Variants in GRM7 observed in about 807,000 individuals in gnomAD.
GRM7 encodes metabotropic glutamate receptor 7.
GRM7 carries 35 observed loss-of-function variants against 84.5 expected under a neutral mutation model. That is an observed-to-expected ratio of 0.41 (90% CI 0.32 to 0.55). GRM7 has a LOEUF of 0.55. Among genes scored for constraint, GRM7 ranks in the 20% least tolerant of loss-of-function variants. The probability of loss-of-function intolerance (pLI) is 0.19; values close to 1 mark genes in which losing one functional copy is unlikely to be tolerated. For missense variants in GRM7, 1,003 were observed against 1,194.6 expected, an observed-to-expected ratio of 0.84 and a Z score of 2.36; for synonymous variants, 487 against 455.1, an observed-to-expected ratio of 1.07 and a Z score of -0.89.
chr3:7,261,538 T>A (rs924227727), intron 2 of GRM7, among the ~76,000 whole-genome samples: 10 of 152,176 alleles, frequency 6.6e-5, no homozygotes, highest in Non-Finnish European at 1.3e-4. Flanking sequence ...GAGTTTTGCT[T>A]CCTTATTCAG....
chr3:7,537,338 G>A (rs572204653), intron 7 of GRM7, among the ~76,000 whole-genome samples: 5 of 152,094 alleles, frequency 3.3e-5, no homozygotes, highest in Admixed American at 6.5e-5. Context: ...CTCAGCTCAG[G>A]CTAACCCAAA....
intron 9 of GRM7, among the ~76,000 whole-genome samples, chr3:7,721,786 G>A (rs1047136885): frequency 6.6e-6 from 1 of 152,118 alleles, no homozygotes; most frequent in African/African-American, 2.4e-5. Context: ...AGACTAGCGG[G>A]GCCATTGATT....
chr3:7,037,609 G>A (rs999998000), intron 1 of GRM7, among the ~76,000 whole-genome samples: 4 of 152,150 alleles, frequency 2.6e-5, no homozygotes, highest in African/African-American at 7.2e-5. Context: ...CACACCTCTT[G>A]AGGAACTGCA....
intron 2 of GRM7, among the ~76,000 whole-genome samples, chr3:7,221,177 A>G (rs544748196): frequency 8.1e-4 from 123 of 152,276 alleles, no homozygotes; most frequent in African/African-American, 2.6e-3. Flanking sequence ...ATCACCCTCC[A>G]TTGAGGTTAT....
chr3:6,977,931 A>G (rs1694061010), intron 1 of GRM7, among the ~76,000 whole-genome samples: 1 of 152,196 alleles, frequency 6.6e-6, no homozygotes, highest in South Asian at 2.1e-4. Flanking sequence ...CCCTATGTTA[A>G]TAACTTTATT....
intron 7 of GRM7, among the ~76,000 whole-genome samples, chr3:7,575,334 T>A (rs1274804839): frequency 6.6e-6 from 1 of 152,168 alleles, no homozygotes; most frequent in Non-Finnish European, 1.5e-5. Flanking sequence ...GTCTTTTTCT[T>A]AATCTTTCTG....
chr3:7,084,415 T>C (rs6788201), intron 1 of GRM7, among the ~76,000 whole-genome samples: 19,304 of 152,080 alleles, frequency 0.13, 3,200 homozygotes, highest in African/African-American at 0.37. Flanking sequence ...AGAATCATGC[T>C]TTGGGTCATC....
At chr3:7,163,650 T>C (rs973802485) in intron 2 of GRM7, among the ~76,000 whole-genome samples, 1 of 152,240 alleles carries the variant, frequency 6.6e-6, no homozygotes, top group Admixed American at 6.5e-5. Flanking sequence ...ACAGGGTGGT[T>C]GGGAACACCT....
In GRM7 at chr3:7,687,815, G is replaced by A. The variant is rs115304414; in HGVS notation, c.2698+7520G>A. Reference sequence around the variant, plus strand: ...TTTAGTATGGTAAAACAGCATAAGAGTACTTCCAAAGAGTAATGACATTTT... The same window carrying A: ...TTTAGTATGGTAAAACAGCATAAGAATACTTCCAAAGAGTAATGACATTTT... On this transcript the variant is annotated intron_variant, in intron 9 of 9. Coordinates refer to ENST00000357716, the MANE Select transcript of GRM7 (RefSeq NM_000844.4). 1.5e-3 allele frequency among the ~76,000 whole-genome samples: 235 copies of A among 152,156 alleles called. 2 individuals carry two copies. The highest frequency in any genetic ancestry group is 5.0e-3 in the African/African-American group (207 of 41,516).
rs1273624460 is a variant in GRM7 at position 6,881,571 on chromosome 3, T to A, written c.519+19664T>A. Among the ~76,000 whole-genome samples, 4 of 150,322 alleles carry A rather than the reference T, an allele frequency of 2.7e-5. No individual in the cohort carries two copies. The East Asian group carries it at 7.8e-4, about 29-fold the overall frequency. On this transcript the variant is annotated intron_variant, in intron 1 of 9. Transcript: ENST00000357716. ...GGCATTTGGTCTAATACCCACAATC[T>A]ACAAGGAACTCAAACAAATTTTAAA...
chr3:7,092,089 A>C (rs1698685450), intron 1 of GRM7, among the ~76,000 whole-genome samples: 2 of 151,980 alleles, frequency 1.3e-5, no homozygotes, highest in Admixed American at 6.6e-5. Context: ...GCTTTCTGCA[A>C]CCTCCACTTT....
intron 1 of GRM7, among the ~76,000 whole-genome samples, chr3:7,121,385 T>C (rs1693215277): frequency 6.6e-6 from 1 of 151,112 alleles, no homozygotes; most frequent in South Asian, 2.1e-4. Flanking sequence ...ATCCATCCCC[T>C]CTATTCATTG....
Position 7,215,721 on chromosome 3 carries a change from A to G in GRM7, c.736+69053A>G, listed in dbSNP as rs1696587531. Among the ~76,000 whole-genome samples the G allele has an allele frequency of 3.3e-5, 5 of 152,166 alleles. 1 individual carries two copies. The South Asian group carries it at 1.0e-3, about 32-fold the overall frequency. ...TTTCTTTTCTACTCTGAAAAGTTGT[A>G]ATATGTATATAAAAAGTGAATATGC... On this transcript the variant is annotated intron_variant, in intron 2 of 9. Coordinates refer to ENST00000357716, the MANE Select transcript of GRM7 (RefSeq NM_000844.4).
At chr3:7,409,669 T>C (rs1039434084) in intron 4 of GRM7, among the ~76,000 whole-genome samples, 11 of 152,248 alleles carry the variant, frequency 7.2e-5, no homozygotes, top group East Asian at 3.9e-4. Context: ...GGCGGGATCT[T>C]GGCTCACTGC....
intron 5 of GRM7, among the ~76,000 whole-genome samples, chr3:7,430,230 A>C (rs1480007767): frequency 6.6e-6 from 1 of 152,236 alleles, no homozygotes; most frequent in Non-Finnish European, 1.5e-5. Context: ...TGAATAAATA[A>C]GTAGATTTTG....
chr3:6,974,325 T>A (rs558119375), intron 1 of GRM7, among the ~76,000 whole-genome samples: 1 of 152,164 alleles, frequency 6.6e-6, no homozygotes, highest in Non-Finnish European at 1.5e-5. Flanking sequence ...CTAGTGGAGA[T>A]GTTGAATAGA....
intron 1 of GRM7, among the ~76,000 whole-genome samples, chr3:7,057,186 A>G (rs1401022180): frequency 6.6e-6 from 1 of 151,950 alleles, no homozygotes; most frequent in African/African-American, 2.4e-5. Flanking sequence ...ATGGTTTTCA[A>G]TTAACATATG....
At chr3:7,020,792 A>G (rs1210225705) in intron 1 of GRM7, among the ~76,000 whole-genome samples, 2 of 152,160 alleles carry the variant, frequency 1.3e-5, no homozygotes, top group Admixed American at 6.5e-5. Flanking sequence ...ACTATGCACA[A>G]TCCTCTACTT....
chr3:6,864,931 A>G (rs553644681), intron 1 of GRM7, among the ~76,000 whole-genome samples: 1 of 152,314 alleles, frequency 6.6e-6, no homozygotes, highest in African/African-American at 2.4e-5. Flanking sequence ...TACCAGATTG[A>G]AGACATAAGC....
Sources: allele counts gnomAD v4.1 joint callset (sites outside exome capture counted in the v4.1 genomes callset), GRCh38; gene constraint gnomAD v4.1.1; transcripts MANE v1.5; gene names NCBI Gene and HGNC (gene_info 2026-07-23, HGNC 2026-07-21).